The following TRHDE variants were observed in gnomAD, a reference collection of about 807,000 sequenced individuals.
TRHDE encodes thyrotropin-releasing hormone-degrading ectoenzyme.
Under a neutral mutation model 125.7 loss-of-function variants are expected in TRHDE, and 72 were observed. The observed-to-expected ratio is 0.57, with a 90% CI of 0.47 to 0.70. The LOEUF (loss-of-function observed/expected upper bound fraction) is 0.70. TRHDE is among the 30% of genes least tolerant of loss of function. The pLI, the probability that TRHDE is intolerant of heterozygous loss-of-function variation, is 0.00. For missense variants in TRHDE, 1,110 were observed against 1,327.1 expected (o/e 0.84, Z 2.54); for synonymous variants, 509 against 509.1 (o/e 1.00, Z 0.00).
In TRHDE at chr12:72,467,973, T is replaced by C. The variant is rs538764009; in HGVS notation, c.1316-1785T>C. 1.3e-3 allele frequency among the ~76,000 whole-genome samples: 200 copies of C among 152,330 alleles called. 1 individual carries two copies. The highest frequency in any genetic ancestry group is 2.6e-3 in the Non-Finnish European group (175 of 68,018). The stretch of plus-strand genomic sequence containing the variant: ...AAAGCATATGGGAAAGAATCAGTAA[T>C]ATTATAATCAGTACCCATACCACTA... On this transcript the variant is annotated intron_variant, in intron 3 of 18. Coordinates refer to ENST00000261180, the MANE Select transcript of TRHDE (RefSeq NM_013381.3).
intron 15 of TRHDE, among the ~76,000 whole-genome samples, chr12:72,643,894 A>C (rs936136025): frequency 2.0e-5 from 3 of 152,196 alleles, no homozygotes; most frequent in African/African-American, 7.2e-5. Context: ...AAAAAGTTAC[A>C]GGTAACATTT....
At chr12:72,442,983 A>C (rs2135858157) in intron 3 of TRHDE, among the ~76,000 whole-genome samples, 1 of 151,934 alleles carries the variant, frequency 6.6e-6, no homozygotes, top group South Asian at 2.1e-4. Flanking sequence ...GAAAAAGGTA[A>C]ATCTGACCAT....
intron 15 of TRHDE, among the ~76,000 whole-genome samples, chr12:72,639,297 C>T (rs1299011673): frequency 3.7e-4 from 57 of 152,036 alleles, no homozygotes; most frequent in Middle Eastern, 3.4e-3. Flanking sequence ...TTGATTGCAT[C>T]GGCTCCTGAG....
intron 2 of TRHDE, among the ~76,000 whole-genome samples, chr12:72,146,317 C>G (rs1289743398): frequency 2.0e-5 from 3 of 152,192 alleles, no homozygotes; most frequent in Non-Finnish European, 2.9e-5. Flanking sequence ...TCTTCTCTAG[C>G]TAGTTTGGAC....
At chr12:72,368,593 C>T (rs1871439016) in intron 2 of TRHDE, among the ~76,000 whole-genome samples, 1 of 152,006 alleles carries the variant, frequency 6.6e-6, no homozygotes, top group Non-Finnish European at 1.5e-5. Context: ...TTGTGTCTCC[C>T]CCAGTGGACT....
intron 15 of TRHDE, among the ~76,000 whole-genome samples, chr12:72,632,582 G>A (rs1873540989): frequency 6.6e-6 from 1 of 151,854 alleles, no homozygotes; most frequent in Non-Finnish European, 1.5e-5. Flanking sequence ...TTTAGACTGA[G>A]TCATCATAGA....
intron 3 of TRHDE, among the ~76,000 whole-genome samples, chr12:72,406,851 A>T (rs1008878901): frequency 1.3e-5 from 2 of 152,174 alleles, no homozygotes; most frequent in Admixed American, 6.5e-5. Context: ...GTTAAAATTT[A>T]AAAAACCTCA....
At chr12:72,270,879 T>C (rs1408616608), upstream of TRHDE, among the ~76,000 whole-genome samples, 1 of 152,260 alleles carries the variant, frequency 6.6e-6, no homozygotes, top group Non-Finnish European at 1.5e-5. Context: ...GCCAATGGGC[T>C]ATGAACCTAT....
chr12:72,242,676 A>G (rs1878505425), intron 2 of TRHDE, among the ~76,000 whole-genome samples: 1 of 152,140 alleles, frequency 6.6e-6, no homozygotes, highest in African/African-American at 2.4e-5. Context: ...GGCAGTGAAA[A>G]AATGGAGGGC....
chr12:72,650,236 A>G (rs2136108317), intron 15 of TRHDE, among the ~76,000 whole-genome samples: 1 of 152,242 alleles, frequency 6.6e-6, no homozygotes, highest in South Asian at 2.1e-4. Flanking sequence ...GACAATATTT[A>G]TGAACCTGGA....
intron 7 of TRHDE, among the ~76,000 whole-genome samples, chr12:72,556,127 G>A (rs1311908590): frequency 6.6e-6 from 1 of 152,056 alleles, no homozygotes; most frequent in Non-Finnish European, 1.5e-5. Context: ...AACAACAAAA[G>A]CCTAACTGAT....
At chr12:72,190,170 A>G (rs1328114174) in intron 2 of TRHDE, among the ~76,000 whole-genome samples, 1 of 152,300 alleles carries the variant, frequency 6.6e-6, no homozygotes, top group East Asian at 1.9e-4. Flanking sequence ...AATGGCATCT[A>G]TATGATCACT....
chr12:72,094,824 T>C (rs1311431301), intron 1 of TRHDE, among the ~76,000 whole-genome samples: 1 of 152,236 alleles, frequency 6.6e-6, no homozygotes, highest in East Asian at 1.9e-4. Flanking sequence ...CACCTGGGCA[T>C]GGGTCTGCCC....
At chr12:72,581,563 C>T (rs1871227430) in intron 12 of TRHDE, among the ~76,000 whole-genome samples, 1 of 152,090 alleles carries the variant, frequency 6.6e-6, no homozygotes, top group Non-Finnish European at 1.5e-5. Flanking sequence ...TTGCAAAACA[C>T]GTGCATATCT....
intron 2 of TRHDE, among the ~76,000 whole-genome samples, chr12:72,302,596 G>A (rs1868278432): frequency 6.6e-6 from 1 of 152,112 alleles, no homozygotes; most frequent in Admixed American, 6.5e-5. Context: ...CCCATTGTAA[G>A]TGCTGGAGCT....
chr12:72,371,449 G>T (rs1256336363), intron 2 of TRHDE, among the ~76,000 whole-genome samples: 1 of 151,390 alleles, frequency 6.6e-6, no homozygotes, highest in East Asian at 1.9e-4. Flanking sequence ...GTGCAGGTTA[G>T]TTATATATGT....
chr12:72,630,928 C>G (rs942572381), intron 15 of TRHDE, among the ~76,000 whole-genome samples: 1 of 148,314 alleles, frequency 6.7e-6, no homozygotes, highest in Non-Finnish European at 1.5e-5. Context: ...TTCAGGATCT[C>G]TTTACTTCTA....
intron 6 of TRHDE, among the ~76,000 whole-genome samples, chr12:72,501,095 A>AT (rs1279723901): frequency 6.6e-6 from 1 of 150,992 alleles, no homozygotes; most frequent in Non-Finnish European, 1.5e-5. Flanking sequence ...CATTTTTCAT[A>AT]TTTTTTTTCA....
intron 1 of TRHDE, chr12:72,274,673 A>T (rs1879413949): frequency 6.6e-6 from 1 of 152,220 alleles, no homozygotes. Context: ...GATCACCAAG[A>T]GTGAGCAGAC....
Sources: allele counts gnomAD v4.1 joint callset (sites outside exome capture counted in the v4.1 genomes callset), GRCh38; gene constraint gnomAD v4.1.1; transcripts MANE v1.5; gene names NCBI Gene and HGNC (gene_info 2026-07-23, HGNC 2026-07-21).